The following TTC7B variants were observed in gnomAD, a reference collection of about 807,000 sequenced individuals.
The protein encoded by TTC7B is tetratricopeptide repeat domain 7B.
A neutral mutation model predicts 106.8 loss-of-function variants in TTC7B; 28 were observed. The observed-to-expected ratio is 0.26, with a 90% CI of 0.19 to 0.36. The LOEUF (loss-of-function observed/expected upper bound fraction) is 0.36, where lower values mean the gene tolerates loss of function less well. TTC7B is among the 10% of genes least tolerant of loss of function. TTC7B has a pLI of 1.00. For synonymous variants in TTC7B, 405 were observed against 430.6 expected (o/e 0.94, Z 0.74); for missense variants, 862 against 1,076.4 (o/e 0.80, Z 2.79).
At chr14:90,671,891 G>C (rs575349142) in intron 9 of TTC7B, among the ~76,000 whole-genome samples, 1 of 152,328 alleles carries the variant, frequency 6.6e-6, no homozygotes, top group African/African-American at 2.4e-5. Context: ...ATAAGCATAA[G>C]AGAAAGGCCA....
chr14:90,684,649 T>C (rs1887186112), intron 7 of TTC7B, among the ~76,000 whole-genome samples: 1 of 152,122 alleles, frequency 6.6e-6, no homozygotes, highest in Non-Finnish European at 1.5e-5. Flanking sequence ...TATGATTCCA[T>C]GTATATAAAT....
chr14:90,747,216 T>C (rs752292898), intron 3 of TTC7B, among the ~76,000 whole-genome samples: 9 of 152,232 alleles, frequency 5.9e-5, no homozygotes, highest in Non-Finnish European at 1.0e-4. Flanking sequence ...GTAGCTCAGG[T>C]AATCTTCCTT....
intron 4 of TTC7B, among the ~76,000 whole-genome samples, chr14:90,735,294 C>T (rs1311644604): frequency 2.6e-5 from 4 of 151,722 alleles, no homozygotes; most frequent in African/African-American, 9.7e-5. Context: ...ATGCTTGAGA[C>T]CAGGAGTTTG....
intron 5 of TTC7B, among the ~76,000 whole-genome samples, chr14:90,722,269 C>A (rs1311757338): frequency 6.6e-6 from 1 of 152,218 alleles, no homozygotes; most frequent in African/African-American, 2.4e-5. Flanking sequence ...TCTATCCCTC[C>A]CTCCATCATC....
At chr14:90,763,620 C>A (rs1482235028) in intron 3 of TTC7B, among the ~76,000 whole-genome samples, 1 of 151,978 alleles carries the variant, frequency 6.6e-6, no homozygotes, top group African/African-American at 2.4e-5. Flanking sequence ...CTAAAGAATC[C>A]ACAAAAACAA....
chr14:90,593,621 C>T lies in TTC7B; in HGVS notation c.1972G>A (p.Val658Ile), dbSNP rs138063412. 8.6e-5 allele frequency: 138 copies of T among 1,598,228 alleles called. No homozygotes were observed. In the African/African-American group the frequency reaches 9.9e-4, roughly 11 times the overall value. The change falls in exon 18 of 20, where the codon GTC (valine) becomes ATC (isoleucine). Residue 658 changes from valine to isoleucine, a missense_variant. By Grantham distance (29) the Val-to-Ile change is conservative (BLOSUM62 3). Transcript: ENST00000328459. ...PDFSDPETGS[V>I]HATSVAASRV... is the part of the protein sequence containing the mutation. ...GAGGCTGCTACCGATGTGGCATGGA[C>T]GGAGCCTGTGAGAGGTTTTTGAGAA...
Position 90,816,396 on chromosome 14 carries a change from G to T in TTC7B, c.-101C>A. The T allele has an allele frequency of 3.2e-6, 2 of 618,512 alleles. No homozygotes were observed. Among genetic ancestry groups the T allele is most frequent in the Non-Finnish European group, 4.0e-6 (2 of 498,344 alleles). 38.3% of individuals were successfully genotyped at this position (618,512 alleles called of 1,614,324 possible). A position where few individuals can be genotyped will look rare whatever the true frequency, so the allele number is the denominator to read the frequency against. ...GCCGCCGCCGCGGGCTCGGGCTCCG[G>T]CTCCCGGCTCCGCGGCGTAACGGGA... On this transcript the variant is annotated 5_prime_UTR_variant, in exon 1 of 20. Transcript: ENST00000328459.
At chr14:90,733,314 C>T (rs899783460) in intron 4 of TTC7B, among the ~76,000 whole-genome samples, 3 of 151,982 alleles carry the variant, frequency 2.0e-5, no homozygotes, top group Non-Finnish European at 4.4e-5. Flanking sequence ...GGCTTGAGAG[C>T]GGTGGAGCTG....
chr14:90,685,858 AC>A (rs1239065894), intron 7 of TTC7B, among the ~76,000 whole-genome samples: 2 of 152,106 alleles, frequency 1.3e-5, no homozygotes, highest in African/African-American at 2.4e-5. Context: ...TTAAAAAAAA[AC>A]AAAAAAAACT....
intron 9 of TTC7B, among the ~76,000 whole-genome samples, chr14:90,666,324 G>A (rs1431076350): frequency 1.3e-5 from 2 of 152,140 alleles, no homozygotes; most frequent in East Asian, 1.9e-4. Context: ...ACCACGCCTG[G>A]CTAATTTTGT....
chr14:90,560,020 T>C (rs928027231), intron 19 of TTC7B, among the ~76,000 whole-genome samples: 10 of 152,184 alleles, frequency 6.6e-5, no homozygotes, highest in Non-Finnish European at 4.4e-5. Flanking sequence ...AGAACCTCCA[T>C]CAGATCTGTG....
chr14:90,553,839 G>A (rs1474618601), intron 19 of TTC7B, among the ~76,000 whole-genome samples: 1 of 152,244 alleles, frequency 6.6e-6, no homozygotes, highest in Non-Finnish European at 1.5e-5. Flanking sequence ...TAAGCCCCAG[G>A]AAAATATGAG....
At chr14:90,639,337 A>G (rs74521065) in intron 15 of TTC7B, among the ~76,000 whole-genome samples, 1,728 of 152,336 alleles carry the variant, frequency 0.011, 31 homozygotes, top group African/African-American at 0.04. Context: ...AAAATACATA[A>G]AGAAATATTA....
At chr14:90,814,871 C>T (rs903247658) in intron 1 of TTC7B, among the ~76,000 whole-genome samples, 5 of 151,048 alleles carry the variant, frequency 3.3e-5, no homozygotes, top group Non-Finnish European at 1.5e-5. Context: ...TCGGTGCTAT[C>T]TCCATGCCCC....
At position 90,807,033 on chromosome 14, in the gene TTC7B, C is replaced by G. The variant is rs2030651453; in HGVS notation, c.121+9142G>C. Among the ~76,000 whole-genome samples, 1 of 152,184 alleles carries G rather than the reference C, an allele frequency of 6.6e-6. No individual in the cohort carries two copies. Among genetic ancestry groups the G allele is most frequent in the Non-Finnish European group, 1.5e-5 (1 of 68,032 alleles). On this transcript the variant is annotated intron_variant, in intron 1 of 19. Coordinates refer to ENST00000328459, the MANE Select transcript of TTC7B (RefSeq NM_001010854.2). This position sits in a 1 kb window ranked among gnomAD's most constrained non-coding sequence, Gnocchi z 4.1. ...GGGCAAAGCCCACTGCTTTCTCCTGCCCGGGGTTCCTTTCCCCTTTGCTAA... is the reference window on the plus strand; with the variant it reads ...GGGCAAAGCCCACTGCTTTCTCCTGGCCGGGGTTCCTTTCCCCTTTGCTAA...
At chr14:90,708,527 C>T (rs1273816127) in intron 5 of TTC7B, among the ~76,000 whole-genome samples, 2 of 152,202 alleles carry the variant, frequency 1.3e-5, no homozygotes, top group African/African-American at 2.4e-5. Flanking sequence ...GATGAAAGCA[C>T]ATCTGTTTAC....
intron 5 of TTC7B, among the ~76,000 whole-genome samples, chr14:90,701,046 T>A (rs1254198288): frequency 6.6e-6 from 1 of 151,998 alleles, no homozygotes; most frequent in African/African-American, 2.4e-5. Flanking sequence ...ACAGATGGCT[T>A]GCTGCAGTCA....
chr14:90,804,669 C>T (rs867799430), intron 1 of TTC7B, among the ~76,000 whole-genome samples: 36 of 152,196 alleles, frequency 2.4e-4, no homozygotes, highest in African/African-American at 7.7e-4. Flanking sequence ...GACTCAGTGG[C>T]GAGTCACCTC....
intron 2 of TTC7B, among the ~76,000 whole-genome samples, chr14:90,785,243 G>A (rs185924716): frequency 1.6e-4 from 25 of 152,272 alleles, no homozygotes; most frequent in Admixed American, 2.6e-4. Flanking sequence ...GCTTCCCGGG[G>A]GGAAGCGTGC....
Sources: allele counts gnomAD v4.1 joint callset (sites outside exome capture counted in the v4.1 genomes callset), GRCh38; gene constraint gnomAD v4.1.1; non-coding constraint Gnocchi (gnomAD v3.1); transcripts MANE v1.5; gene names NCBI Gene and HGNC (gene_info 2026-07-23, HGNC 2026-07-21).